The following ARHGAP32 variants were observed in gnomAD, a reference collection of about 807,000 sequenced individuals.
ARHGAP32 encodes the protein rho GTPase-activating protein 32.
In ARHGAP32, 51 loss-of-function variants were observed where a neutral mutation model predicts 186.5. The ratio of observed to expected loss-of-function variants is 0.27; its 90% CI spans 0.22 to 0.35. The LOEUF is 0.35. Among genes scored for constraint, ARHGAP32 ranks in the 10% least tolerant of loss-of-function variants. The pLI is 1.00. For missense variants in ARHGAP32, 2,186 were observed against 2,623.5 expected (o/e 0.83, Z 3.64); for synonymous variants, 950 against 964.3 (o/e 0.99, Z 0.27).
chr11:129,035,515 C>CT (rs1177861363), intron 11 of ARHGAP32, among the ~76,000 whole-genome samples: 1 of 152,176 alleles, frequency 6.6e-6, no homozygotes, highest in African/African-American at 2.4e-5. Flanking sequence ...AAGCCCAAGG[C>CT]TGACAGAATT....
chr11:128,994,769 T>C (rs1326098908), intron 12 of ARHGAP32, among the ~76,000 whole-genome samples: 4 of 152,228 alleles, frequency 2.6e-5, no homozygotes. Context: ...CTCCTGCTAA[T>C]TTAGGCTTCA....
At chr11:129,011,901 C>T (rs1565374351) in intron 11 of ARHGAP32, among the ~76,000 whole-genome samples, 1 of 151,844 alleles carries the variant, frequency 6.6e-6, no homozygotes, top group Non-Finnish European at 1.5e-5. Context: ...ACAAATTCAC[C>T]CACACAAATA....
chr11:129,133,537 T>G (rs905653190), intron 2 of ARHGAP32, among the ~76,000 whole-genome samples: 4 of 152,182 alleles, frequency 2.6e-5, no homozygotes, highest in Non-Finnish European at 5.9e-5. Flanking sequence ...AGATACATTA[T>G]GTATTGGTAT....
intron 1 of ARHGAP32, among the ~76,000 whole-genome samples, chr11:129,275,290 G>A (rs942510416): frequency 2.0e-5 from 3 of 152,158 alleles, no homozygotes; most frequent in Non-Finnish European, 2.9e-5. Context: ...CTTACTGTAT[G>A]TCAGAGATTG....
intron 1 of ARHGAP32, among the ~76,000 whole-genome samples, chr11:129,235,348 T>C (rs968006778): frequency 6.6e-6 from 1 of 152,050 alleles, no homozygotes; most frequent in Non-Finnish European, 1.5e-5. Flanking sequence ...GAATTTCATC[T>C]CACATTTACT....
chr11:129,224,899 G>C (rs1050614683), intron 1 of ARHGAP32, among the ~76,000 whole-genome samples: 4 of 151,886 alleles, frequency 2.6e-5, no homozygotes, highest in African/African-American at 9.7e-5. Flanking sequence ...ATCATTTAAG[G>C]TCAGGGGTTT....
intron 12 of ARHGAP32, among the ~76,000 whole-genome samples, chr11:128,995,728 A>G (rs1946181805): frequency 6.6e-6 from 1 of 152,224 alleles, no homozygotes; most frequent in Non-Finnish European, 1.5e-5. Context: ...AGTCCCAGCT[A>G]TTCAGGAAGC....
At chr11:129,126,090 C>T (rs1169241207) in intron 2 of ARHGAP32, 3 of 266,842 alleles carry the variant, frequency 1.1e-5, no homozygotes, top group Non-Finnish European at 1.5e-5. Context: ...CAATTATACC[C>T]TATCATACTA....
chr11:129,223,165 T>TA (rs2135617678), intron 1 of ARHGAP32, among the ~76,000 whole-genome samples: 1 of 152,290 alleles, frequency 6.6e-6, no homozygotes, highest in Admixed American at 6.5e-5. Context: ...ATTTTCCACT[T>TA]ACAGTACACA....
intron 6 of ARHGAP32, among the ~76,000 whole-genome samples, chr11:129,086,609 C>G: frequency 6.6e-6 from 1 of 152,076 alleles, no homozygotes; most frequent in African/African-American, 2.4e-5. Flanking sequence ...ATCACAAGGT[C>G]AGGAGATCGA....
At position 128,972,454 on chromosome 11, in the gene ARHGAP32, T is replaced by G; in HGVS notation, c.4052A>C (p.Lys1351Thr). Residue 1351 changes from lysine (K) to threonine (T), a missense_variant and splice_region_variant, in exon 22 of 23, where the codon AAG (lysine) becomes ACG (threonine). Lys to Thr is a moderately conservative substitution (Grantham distance 78). Around this residue, in one of 5 missense-constraint regions of ARHGAP32, gnomAD observed 1,502 missense variants for 1,570.0 expected, o/e 0.96. Transcript: ENST00000682385. ...TCACTGATATCTTCCCCTTCTTACC[T>G]TGTGGGAATTATTTAATCCTATATT... ...ATNIGLNNSH[K>T]VQGVVPVPER... 8 of 1,511,282 alleles carry G rather than the reference T, an allele frequency of 5.3e-6. No individual in the cohort carries two copies. The highest frequency in any genetic ancestry group is 6.2e-6 in the Non-Finnish European group (7 of 1,129,996). 93.6% of individuals were successfully genotyped at this position (1,511,282 alleles called of 1,614,324 possible).
intron 2 of ARHGAP32, among the ~76,000 whole-genome samples, chr11:129,134,514 T>C (rs1193638561): frequency 2.6e-5 from 4 of 152,196 alleles, no homozygotes; most frequent in Admixed American, 2.0e-4. Context: ...AAAAATTAAC[T>C]AGATTTGAAA....
At chr11:129,157,997 A>G (rs1456607835) in intron 2 of ARHGAP32, among the ~76,000 whole-genome samples, 1 of 152,232 alleles carries the variant, frequency 6.6e-6, no homozygotes, top group Non-Finnish European at 1.5e-5. Context: ...CAAAGGAGAA[A>G]TAAAATCCTT....
At chr11:128,982,146 T>C (rs1171084550) in intron 15 of ARHGAP32, among the ~76,000 whole-genome samples, 1 of 152,174 alleles carries the variant, frequency 6.6e-6, no homozygotes, top group Non-Finnish European at 1.5e-5. Context: ...GAACAAATAA[T>C]ATTTTGAAGT....
chr11:129,017,370 C>T (rs1461623006), intron 11 of ARHGAP32, among the ~76,000 whole-genome samples: 1 of 151,188 alleles, frequency 6.6e-6, no homozygotes, highest in Non-Finnish European at 1.5e-5. Flanking sequence ...ATCATTTGAA[C>T]CTGGAGGCGG....
At chr11:129,104,108 A>T (rs1941981716) in intron 5 of ARHGAP32, among the ~76,000 whole-genome samples, 1 of 152,092 alleles carries the variant, frequency 6.6e-6, no homozygotes, top group African/African-American at 2.4e-5. Context: ...ATAAGAGCCA[A>T]AAAAAGCATT....
At chr11:129,084,747 A>C (rs1312450849) in intron 6 of ARHGAP32, among the ~76,000 whole-genome samples, 2 of 152,216 alleles carry the variant, frequency 1.3e-5, no homozygotes, top group African/African-American at 4.8e-5. Context: ...GATCAAAAAC[A>C]AAGCAATGAT....
Position 128,986,137 on chromosome 11 carries a change from A to G in ARHGAP32, c.1444-52T>C, listed in dbSNP as rs552961501. 1.0e-4 allele frequency: 141 copies of G among 1,381,530 alleles called. No individual in the cohort carries two copies. The East Asian group carries it at 3.2e-3, about 32-fold the overall frequency. The allele number at this position is 1,381,530 out of a possible 1,614,324, so 85.6% of individuals were successfully genotyped here. On this transcript the variant is annotated intron_variant, in intron 14 of 22. Coordinates refer to ENST00000682385, the MANE Select transcript of ARHGAP32 (RefSeq NM_001378024.1). Reference sequence around the variant, plus strand: ...CTAGTGAGCTCTGTTAGTAAAAATGAAAGTTCACTTACAATTCAGTTTTCA... The same window carrying G: ...CTAGTGAGCTCTGTTAGTAAAAATGGAAGTTCACTTACAATTCAGTTTTCA...
Position 128,970,965 on chromosome 11 carries a change from G to T in ARHGAP32, c.4248C>A (p.Val1416=). 1 of 1,613,946 alleles carries T rather than the reference G, an allele frequency of 6.2e-7. No individual in the cohort carries two copies. Among genetic ancestry groups the T allele is most frequent in the South Asian group, 1.1e-5 (1 of 91,080 alleles). The change falls in exon 23 of 23, where the codon GTC becomes GTA. Residue 1416 remains valine, a synonymous_variant. Coordinates refer to ENST00000682385, the MANE Select transcript of ARHGAP32 (RefSeq NM_001378024.1). This position sits in a 1 kb window ranked among gnomAD's most constrained non-coding sequence, Gnocchi z 5.8. Reference sequence around the variant, plus strand: ...CAGGAAAGCCACAGGGATGCGCAGGGACAGACTCGGCGCGCAGGTGCAGCA... The same window carrying T: ...CAGGAAAGCCACAGGGATGCGCAGGTACAGACTCGGCGCGCAGGTGCAGCA... ...VPLLHLRAES[V]PAHPCGFPAP...
Sources: allele counts gnomAD v4.1 joint callset (sites outside exome capture counted in the v4.1 genomes callset), GRCh38; gene constraint gnomAD v4.1.1; regional missense constraint gnomAD v4.1.1; non-coding constraint Gnocchi (gnomAD v3.1); transcripts MANE v1.5; gene names NCBI Gene and HGNC (gene_info 2026-07-23, HGNC 2026-07-21).